ZNF501: variants seen among roughly 807,000 people sequenced by gnomAD.
The protein encoded by ZNF501 is zinc finger protein 501.
Under a neutral mutation model 5.7 loss-of-function variants are expected in ZNF501, and 7 were observed. The observed-to-expected ratio is 1.24, with a 90% CI of 0.70 to 2.32. The LOEUF (loss-of-function observed/expected upper bound fraction) is 2.32, where lower values mean the gene tolerates loss of function less well. ZNF501 is among the 30% of genes most tolerant of loss of function. ZNF501 has a pLI of 0.00. For synonymous variants in ZNF501, 107 were observed against 101.9 expected (o/e 1.05, Z -0.30); for missense variants, 352 against 321.1 (o/e 1.10, Z -0.73).
At position 44,734,883 on chromosome 3, in the gene ZNF501, A is replaced by G. The variant is rs1403361879; in HGVS notation, c.462A>G (p.Arg154=). Residue 154 remains arginine, a synonymous_variant, in exon 3 of 3, where the codon AGA becomes AGG. Coordinates refer to ENST00000620116, the MANE Select transcript of ZNF501 (RefSeq NM_001258280.2). ...SQSICLTRHQ[R]SHSGDKPFKC... Reference sequence around the variant, plus strand: ...GCATATGCCTTACTCGTCATCAGAGAAGTCATTCTGGAGATAAACCTTTTA... The same window carrying G: ...GCATATGCCTTACTCGTCATCAGAGGAGTCATTCTGGAGATAAACCTTTTA... The G allele has an allele frequency of 6.2e-7, 1 of 1,613,916 alleles. No individual in the cohort carries two copies. Among genetic ancestry groups the G allele is most frequent in the Non-Finnish European group, 8.5e-7 (1 of 1,180,018 alleles).
intron 2 of ZNF501, among the ~76,000 whole-genome samples, chr3:44,732,902 C>T (rs1704635442): frequency 6.6e-6 from 1 of 152,134 alleles, no homozygotes; most frequent in South Asian, 2.1e-4. Flanking sequence ...TGGCATACTC[C>T]AGCCTCAACA....
intron 2 of ZNF501, among the ~76,000 whole-genome samples, chr3:44,733,167 A>G (rs1704639206): frequency 6.6e-6 from 1 of 152,120 alleles, no homozygotes; most frequent in Admixed American, 6.5e-5. Context: ...TAAAGTGAGG[A>G]TATATAGTTG....
At position 44,735,122 on chromosome 3, in the gene ZNF501, G is replaced by GT. The variant is rs867808087; in HGVS notation, c.702dup (p.Glu235Ter). 5 of 1,613,866 alleles carry GT rather than the reference G, an allele frequency of 3.1e-6. No individual in the cohort carries two copies. In the African/African-American group the frequency reaches 6.7e-5, roughly 22 times the overall value. On this transcript the variant is annotated frameshift_variant, in exon 3 of 3. Coordinates refer to ENST00000620116, the MANE Select transcript of ZNF501 (RefSeq NM_001258280.2). LOFTEE classifies it high-confidence loss of function. ...ACTTTCCGCAAACAAGCACACCTTAGTGAGCATTACAGAATTCATACTGGA... is the reference window on the plus strand; with the variant it reads ...ACTTTCCGCAAACAAGCACACCTTAGTTGAGCATTACAGAATTCATACTGGA...
At position 44,734,469 on chromosome 3, in the gene ZNF501, C is replaced by T. The variant is rs780559310; in HGVS notation, c.48C>T (p.Asn16=). The T allele has an allele frequency of 7.4e-6, 12 of 1,613,924 alleles. No homozygotes were observed. The highest frequency in any genetic ancestry group is 5.3e-5 in the African/African-American group (4 of 74,920). ...ISLRMKHGRV[N]MQKKPSKCSE... ...TCAGAATGAAACATGGGAGAGTTAA[C>T]ATGCAGAAGAAACCTTCAAAGTGTA... Residue 16 remains asparagine (N), a synonymous_variant, in exon 3 of 3, where the codon AAC becomes AAT. Coordinates refer to ENST00000620116, the MANE Select transcript of ZNF501 (RefSeq NM_001258280.2).
chr3:44,736,079 A>AG lies in ZNF501; in HGVS notation c.*843dup, dbSNP rs1704694324. ...TATTTGTTTTGAGTTCTAGGAGCAC[A>AG]GCACCAAATGTGGTCTCTTAAGGGA... On this transcript the variant is annotated 3_prime_UTR_variant, in exon 3 of 3. Transcript: ENST00000620116. 6.0e-6 allele frequency: 1 copy of AG among 167,102 alleles called. No individual in the cohort carries two copies. The highest frequency in any genetic ancestry group is 2.4e-5 in the African/African-American group (1 of 41,442). The allele number at this position is 167,102 out of a possible 1,614,324, so 10.4% of individuals were successfully genotyped here. A position where few individuals can be genotyped will look rare whatever the true frequency, so the allele number is the denominator to read the frequency against.
In ZNF501 at chr3:44,735,454, TCCC is replaced by T; in HGVS notation, c.*221_*223del. ...CCCTTCTGAGCCTCAGTTTCCCCAT[TCCC>T]CCCAATAGAAAAATGGGGATATTTC... On this transcript the variant is annotated 3_prime_UTR_variant, in exon 3 of 3. Coordinates refer to ENST00000620116, the MANE Select transcript of ZNF501 (RefSeq NM_001258280.2). 1 of 400,800 alleles carries T rather than the reference TCCC, an allele frequency of 2.5e-6. No individual in the cohort carries two copies. 24.8% of individuals were successfully genotyped at this position (400,800 alleles called of 1,614,324 possible). A position where few individuals can be genotyped will look rare whatever the true frequency, so the allele number is the denominator to read the frequency against.
rs1363010494 is a variant in ZNF501 at position 44,736,967 on chromosome 3, C to CT, written c.*1736dup. On this transcript the variant is annotated 3_prime_UTR_variant, in exon 3 of 3. Transcript: ENST00000620116. Reference sequence around the variant, plus strand: ...GATTCCTTCTCTTTACTTTTTTTTTCTTTTTTCTTTTTTTAAAGAAATGGT... The same window carrying CT: ...GATTCCTTCTCTTTACTTTTTTTTTCTTTTTTTCTTTTTTTAAAGAAATGGT... 12 of 163,728 alleles carry CT rather than the reference C, an allele frequency of 7.3e-5. No individual in the cohort carries two copies. The highest frequency in any genetic ancestry group is 1.5e-4 in the Non-Finnish European group (10 of 67,126). The allele number at this position is 163,728 out of a possible 1,614,324, so 10.1% of individuals were successfully genotyped here. A position where few individuals can be genotyped will look rare whatever the true frequency, so the allele number is the denominator to read the frequency against.
In ZNF501 at chr3:44,734,319, C is replaced by T. The variant is rs1164102237; in HGVS notation, c.-103C>T. The T allele has an allele frequency of 2.2e-6, 2 of 903,756 alleles. No homozygotes were observed. Among genetic ancestry groups the T allele is most frequent in the Non-Finnish European group, 3.4e-6 (2 of 593,064 alleles). The allele number at this position is 903,756 out of a possible 1,614,324, so 56.0% of individuals were successfully genotyped here. ...GCAATGCATGTGTGATGTGTGTGAG[C>T]ACACACACACAGTAACCTTTCCTAG... is the stretch of plus-strand genomic sequence containing the variant. On this transcript the variant is annotated 5_prime_UTR_variant, in exon 3 of 3. Coordinates refer to ENST00000620116, the MANE Select transcript of ZNF501 (RefSeq NM_001258280.2).
In ZNF501 at chr3:44,734,616, T is replaced by TA. The variant is rs1314486068; in HGVS notation, c.196dup (p.Thr66AsnfsTer14). ...GTTGTTTCCGTAAACAGTCAAATCT[T>TA]ACTCAACATCTGAGAATTCATACCG... is the stretch of plus-strand genomic sequence containing the variant. On this transcript the variant is annotated frameshift_variant, in exon 3 of 3. Transcript: ENST00000620116. LOFTEE classifies it high-confidence loss of function. 27 of 1,614,044 alleles carry TA rather than the reference T, an allele frequency of 1.7e-5. No individual in the cohort carries two copies. The highest frequency in any genetic ancestry group is 2.3e-5 in the Non-Finnish European group (27 of 1,180,012).
chr3:44,734,677 G>C lies in ZNF501; in HGVS notation c.256G>C (p.Ala86Pro), dbSNP rs745487937. ...KPYKCNECEK[A>P]FQTKAILVQH... ...TTATAAATGTAATGAATGTGAGAAAGCCTTTCAAACAAAAGCAATTCTTGT... is the reference window on the plus strand; with the variant it reads ...TTATAAATGTAATGAATGTGAGAAACCCTTTCAAACAAAAGCAATTCTTGT... The change falls in exon 3 of 3, where the codon GCC becomes CCC. Residue 86 changes from alanine to proline, a missense_variant. Coordinates refer to ENST00000620116, the MANE Select transcript of ZNF501 (RefSeq NM_001258280.2). 6.2e-7 allele frequency: 1 copy of C among 1,614,130 alleles called. No homozygotes were observed. Among genetic ancestry groups the C allele is most frequent in the African/African-American group, 1.3e-5 (1 of 75,046 alleles).
chr3:44,734,018 T>C (rs568131848), intron 2 of ZNF501, among the ~76,000 whole-genome samples, 179 bp from the exon 3 acceptor site: 3 of 152,358 alleles, frequency 2.0e-5, no homozygotes, highest in Admixed American at 6.5e-5. Context: ...GTAACACTTA[T>C]ATGCCCAAGT....
rs553132177 is a variant in ZNF501, at chr3:44,732,812, G to A, written c.-226+1252G>A. Among the ~76,000 whole-genome samples the A allele has an allele frequency of 3.9e-5, 6 of 152,272 alleles. No individual in the cohort carries two copies. The East Asian group carries it at 9.6e-4, about 24-fold the overall frequency. ...TGATAATCTCTGGGGAAAGGAATAG[G>A]TTTATTTTGTTAACAAAAATTTTCT... On this transcript the variant is annotated intron_variant, in intron 2 of 2. Coordinates refer to ENST00000620116, the MANE Select transcript of ZNF501 (RefSeq NM_001258280.2).
intron 2 of ZNF501, among the ~76,000 whole-genome samples, chr3:44,733,765 T>G (rs74381531): frequency 0.025 from 3,826 of 152,220 alleles, 67 homozygotes; most frequent in Middle Eastern, 0.044. Context: ...AGGGAGAGAA[T>G]TATAGATGGT....
rs776089027 is a variant in ZNF501 at position 44,734,390 on chromosome 3, C to A, written c.-32C>A. 1.3e-6 allele frequency: 2 copies of A among 1,586,060 alleles called. No individual in the cohort carries two copies. Among genetic ancestry groups the A allele is most frequent in the Non-Finnish European group, 1.7e-6 (2 of 1,163,856 alleles). ...GATAATCACCTTTGAGGAAAAAAAACTTGTAAGTATGAATTTGGTGTTACA... is the reference window on the plus strand; with the variant it reads ...GATAATCACCTTTGAGGAAAAAAAAATTGTAAGTATGAATTTGGTGTTACA... On this transcript the variant is annotated 5_prime_UTR_variant, in exon 3 of 3. Coordinates refer to ENST00000620116, the MANE Select transcript of ZNF501 (RefSeq NM_001258280.2).
chr3:44,732,912 ATCCTGGGCTCAAGTGATTT>A (rs1704635627), intron 2 of ZNF501, among the ~76,000 whole-genome samples: 1 of 152,084 alleles, frequency 6.6e-6, no homozygotes, highest in Admixed American at 6.6e-5. Context: ...CAGCCTCAAC[ATCCTGGGCTCAAGTGATTT>A]TCCCACCTCA....
rs1704684538 is a variant in ZNF501 at position 44,735,450 on chromosome 3, C to T, written c.*213C>T. ...TTATCCCTTCTGAGCCTCAGTTTCC[C>T]CATTCCCCCCAATAGAAAAATGGGG... is the stretch of plus-strand genomic sequence containing the variant. On this transcript the variant is annotated 3_prime_UTR_variant, in exon 3 of 3. Coordinates refer to ENST00000620116, the MANE Select transcript of ZNF501 (RefSeq NM_001258280.2). 1 of 410,362 alleles carries T rather than the reference C, an allele frequency of 2.4e-6. No individual in the cohort carries two copies. Among genetic ancestry groups the T allele is most frequent in the African/African-American group, 2.0e-5 (1 of 49,504 alleles). 25.4% of individuals were successfully genotyped at this position (410,362 alleles called of 1,614,324 possible). A position where few individuals can be genotyped will look rare whatever the true frequency, so the allele number is the denominator to read the frequency against.
In ZNF501 at chr3:44,735,855, A is replaced by T. The variant is rs533405324; in HGVS notation, c.*618A>T. 1.2e-5 allele frequency: 2 copies of T among 166,922 alleles called. No individual in the cohort carries two copies. The highest frequency in any genetic ancestry group is 3.8e-4 in the East Asian group (2 of 5,202). The allele number at this position is 166,922 out of a possible 1,614,324, so 10.3% of individuals were successfully genotyped here. ...AAATTTTGATACTTTCTATTACTAG[A>T]TCTAATTTGATTTTAAGCTCTAAGT... On this transcript the variant is annotated 3_prime_UTR_variant, in exon 3 of 3. Transcript: ENST00000620116.
rs771476887 is a variant in ZNF501 at position 44,735,124 on chromosome 3, G to A, written c.703G>A (p.Glu235Lys). ...TTTCCGCAAACAAGCACACCTTAGT[G>A]AGCATTACAGAATTCATACTGGAGA... The part of the protein sequence containing the change: ...KTFRKQAHLS[E>K]HYRIHTGEKP... The change falls in exon 3 of 3, where the codon GAG becomes AAG. Residue 235 changes from glutamate (E) to lysine (K), a missense_variant. Physicochemically the swap from Glu to Lys is moderately conservative, Grantham distance 56. Coordinates refer to ENST00000620116, the MANE Select transcript of ZNF501 (RefSeq NM_001258280.2). 2 of 1,613,950 alleles carry A rather than the reference G, an allele frequency of 1.2e-6. No individual in the cohort carries two copies. Among genetic ancestry groups the A allele is most frequent in the Admixed American group, 1.7e-5 (1 of 60,008 alleles).
At position 44,734,862 on chromosome 3, in the gene ZNF501, A is replaced by T. The variant is rs772165442; in HGVS notation, c.441A>T (p.Ile147=). The change falls in exon 3 of 3, where the codon ATA becomes ATT. Residue 147 remains isoleucine (I), a synonymous_variant. Transcript: ENST00000620116. ...GTGGCAAAGCCTTCAGTCAGAGCAT[A>T]TGCCTTACTCGTCATCAGAGAAGTC... The part of the protein sequence containing the change: ...TECGKAFSQS[I]CLTRHQRSHS... The T allele has an allele frequency of 6.2e-7, 1 of 1,613,956 alleles. No individual in the cohort carries two copies. The highest frequency in any genetic ancestry group is 1.6e-4 in the Middle Eastern group (1 of 6,062).
Sources: gnomAD v4.1 joint callset for allele counts (sites outside exome capture counted in the v4.1 genomes callset) on GRCh38, gnomAD v4.1.1 for gene constraint, MANE v1.5 for transcripts, NCBI Gene and HGNC (gene_info 2026-07-23, HGNC 2026-07-21) for gene names.